PAK5: variants seen among roughly 807,000 people sequenced by gnomAD.
The protein encoded by PAK5 is serine/threonine-protein kinase PAK 5.
PAK5 carries 16 observed loss-of-function variants against 65.9 expected under a neutral mutation model. The ratio of observed to expected loss-of-function variants is 0.24; its 90% CI spans 0.16 to 0.37. The LOEUF (loss-of-function observed/expected upper bound fraction) is 0.37. PAK5 is among the 10% of genes least tolerant of loss of function. The pLI is 1.00. For missense variants in PAK5, 785 were observed against 903.9 expected, an observed-to-expected ratio of 0.87 and a Z score of 1.69; for synonymous variants, 371 against 354.9, an observed-to-expected ratio of 1.05 and a Z score of -0.51.
At chr20:9,614,812 TGTTAAATGTTCAAAGAA>T (rs1442912609) in intron 3 of PAK5, among the ~76,000 whole-genome samples, 1 of 152,218 alleles carries the variant, frequency 6.6e-6, no homozygotes, top group East Asian at 1.9e-4. Flanking sequence ...AGATCTGCCT[TGTTAAATGTTCAAAGAA>T]GTTATTCAAG....
chr20:9,638,011 T>A (rs2047003517), intron 3 of PAK5, among the ~76,000 whole-genome samples: 1 of 152,142 alleles, frequency 6.6e-6, no homozygotes, highest in Non-Finnish European at 1.5e-5. Context: ...ATCAGCAGCA[T>A]CTGAGAGCTT....
At chr20:9,576,988 G>A (rs1234899012) in intron 4 of PAK5, among the ~76,000 whole-genome samples, 1 of 152,196 alleles carries the variant, frequency 6.6e-6, no homozygotes, top group Admixed American at 6.5e-5. Context: ...CCTGGTCTCT[G>A]GAGAGCACAG....
intron 6 of PAK5, among the ~76,000 whole-genome samples, chr20:9,558,324 C>T (rs575723532): frequency 6.6e-6 from 1 of 152,110 alleles, no homozygotes; most frequent in Non-Finnish European, 1.5e-5. Context: ...ATTGGCCAGC[C>T]TGGTCTTGAA....
At chr20:9,564,744 C>T (rs537214147) in intron 5 of PAK5, among the ~76,000 whole-genome samples, 11 of 151,896 alleles carry the variant, frequency 7.2e-5, no homozygotes, top group African/African-American at 2.4e-4. Context: ...ACACTCACTG[C>T]AAAATAATAA....
chr20:9,722,794 C>A (rs982077910), intron 1 of PAK5, among the ~76,000 whole-genome samples: 1 of 150,858 alleles, frequency 6.6e-6, no homozygotes, highest in Admixed American at 6.6e-5. Context: ...TGGAGTGCAG[C>A]GGCGCCATCT....
intron 2 of PAK5, among the ~76,000 whole-genome samples, chr20:9,704,982 A>G (rs750049789): frequency 6.6e-6 from 1 of 152,222 alleles, no homozygotes; most frequent in Non-Finnish European, 1.5e-5. Flanking sequence ...AACCAGGTAC[A>G]ATCTTGTTCC....
intron 1 of PAK5, among the ~76,000 whole-genome samples, chr20:9,728,299 T>C (rs71334862): frequency 0.019 from 2,868 of 152,132 alleles, 42 homozygotes; most frequent in Non-Finnish European, 0.03. Context: ...TCACGAGAAA[T>C]AAATTTTATT....
At chr20:9,683,449 C>T (rs1225221793) in intron 2 of PAK5, among the ~76,000 whole-genome samples, 3 of 152,308 alleles carry the variant, frequency 2.0e-5, no homozygotes, top group Middle Eastern at 6.8e-3. Context: ...AAATACAACT[C>T]CTTATGAGAT....
At chr20:9,679,214 T>C (rs565729163) in intron 2 of PAK5, among the ~76,000 whole-genome samples, 1 of 152,356 alleles carries the variant, frequency 6.6e-6, no homozygotes. Context: ...TACTTTATTG[T>C]AATAATACAG....
chr20:9,745,581 T>C lies in PAK5; in HGVS notation c.-161-34146A>G, dbSNP rs79295459. Among the ~76,000 whole-genome samples, 1,411 of 152,276 alleles carry C rather than the reference T, an allele frequency of 9.3e-3. 9 individuals carry two copies. The highest frequency in any genetic ancestry group is 0.014 in the Non-Finnish European group (965 of 68,018). Reference sequence around the variant, plus strand: ...GTTGCAATATTCTGGGTACTCTATATTATTTTCATGCGTTGATCTTACACT... The same window carrying C: ...GTTGCAATATTCTGGGTACTCTATACTATTTTCATGCGTTGATCTTACACT... On this transcript the variant is annotated intron_variant, in intron 1 of 9. Coordinates refer to ENST00000353224, the MANE Select transcript of PAK5 (RefSeq NM_177990.4).
intron 3 of PAK5, among the ~76,000 whole-genome samples, chr20:9,585,496 A>G (rs1233235719): frequency 2.6e-5 from 4 of 152,224 alleles, no homozygotes; most frequent in Admixed American, 2.6e-4. Flanking sequence ...CAAATTGGCC[A>G]TTGGTCATTG....
chr20:9,690,255 T>C (rs6141008), intron 2 of PAK5, among the ~76,000 whole-genome samples: 15,656 of 152,172 alleles, frequency 0.1, 862 homozygotes, highest in East Asian at 0.17. Flanking sequence ...TGCCCCCATG[T>C]GGGGTGTGTA....
At chr20:9,697,828 C>T (rs1355469259) in intron 2 of PAK5, among the ~76,000 whole-genome samples, 1 of 152,098 alleles carries the variant, frequency 6.6e-6, no homozygotes, top group Non-Finnish European at 1.5e-5. Context: ...GTTAGGCTGA[C>T]ATAATTATTA....
At chr20:9,756,873 C>T (rs2048640546) in intron 1 of PAK5, among the ~76,000 whole-genome samples, 1 of 152,154 alleles carries the variant, frequency 6.6e-6, no homozygotes, top group Non-Finnish European at 1.5e-5. Flanking sequence ...TATGGGAACA[C>T]ACCTAGCCCT....
At chr20:9,697,800 C>G (rs923289319) in intron 2 of PAK5, among the ~76,000 whole-genome samples, 3 of 152,082 alleles carry the variant, frequency 2.0e-5, no homozygotes, top group Non-Finnish European at 2.9e-5. Context: ...TGTCCAAGAA[C>G]AGTCTTAGTT....
intron 3 of PAK5, among the ~76,000 whole-genome samples, chr20:9,640,955 G>T (rs2123261856): frequency 1.3e-5 from 2 of 152,326 alleles, no homozygotes; most frequent in Admixed American, 1.3e-4. Flanking sequence ...CTTCCACAGT[G>T]TGGAAGTGGA....
chr20:9,779,181 G>A (rs1352863398), intron 1 of PAK5, among the ~76,000 whole-genome samples: 1 of 151,910 alleles, frequency 6.6e-6, no homozygotes, highest in East Asian at 1.9e-4. Flanking sequence ...TTTAGCATTT[G>A]ACAAAGGAAA....
At chr20:9,552,933 C>T (rs2045451707) in intron 7 of PAK5, among the ~76,000 whole-genome samples, 1 of 151,978 alleles carries the variant, frequency 6.6e-6, no homozygotes, top group Admixed American at 6.6e-5. Flanking sequence ...CAATATGTTT[C>T]CCAGGTTGGT....
intron 1 of PAK5, among the ~76,000 whole-genome samples, chr20:9,834,733 G>T (rs1023064472): frequency 2.6e-5 from 4 of 151,990 alleles, no homozygotes; most frequent in African/African-American, 9.7e-5. Flanking sequence ...TTATGGACAG[G>T]AATTGAAGAG....
Sources: allele counts gnomAD v4.1 joint callset (sites outside exome capture counted in the v4.1 genomes callset), GRCh38; gene constraint gnomAD v4.1.1; transcripts MANE v1.5; gene names NCBI Gene and HGNC (gene_info 2026-07-23, HGNC 2026-07-21).